Variants in LRRC37A2 observed in about 807,000 individuals in gnomAD.
LRRC37A2 encodes the protein leucine-rich repeat-containing protein 37A2.
In LRRC37A2, 9 loss-of-function variants were observed where a neutral mutation model predicts 68.8. The ratio of observed to expected loss-of-function variants is 0.13; its 90% CI spans 0.08 to 0.23. The LOEUF is 0.23. LRRC37A2 is among the 10% of genes least tolerant of loss of function. LRRC37A2 has a pLI of 1.00. For synonymous variants in LRRC37A2, 63 were observed against 367.6 expected, an observed-to-expected ratio of 0.17 and a Z score of 9.48; for missense variants, 168 against 950.4, an observed-to-expected ratio of 0.18 and a Z score of 10.82.
chr17:46,409,333 G>A, the LRRC37A2 span, among the ~76,000 whole-genome samples: 19 of 129,868 alleles, frequency 1.5e-4, no homozygotes, highest in Admixed American at 1.3e-3. Context: ...GTCTCGTTCT[G>A]AGACCCAGGC....
At chr17:46,938,708 G>T in the LRRC37A2 span, 1 of 1,613,988 alleles carries the variant, frequency 6.2e-7, no homozygotes, top group Non-Finnish European at 8.5e-7. Context: ...ATGATAGGTG[G>T]GATGCTGCTG....
the LRRC37A2 span, among the ~76,000 whole-genome samples, chr17:47,027,087 T>C: frequency 6.6e-6 from 1 of 152,128 alleles, no homozygotes; most frequent in East Asian, 1.9e-4. Context: ...ATTTTTTCTA[T>C]TTTTTTGTAG....
chr17:46,909,977 A>C, the LRRC37A2 span: 1 of 152,262 alleles, frequency 6.6e-6, no homozygotes, highest in African/African-American at 2.4e-5. Flanking sequence ...GCTCCTGAGC[A>C]CTGGTCCCAG....
chr17:46,826,781 CTTTTTTTTTTT>C, the LRRC37A2 span, among the ~76,000 whole-genome samples: 1 of 117,682 alleles, frequency 8.5e-6, no homozygotes, highest in African/African-American at 3.2e-5. Flanking sequence ...ATCAGCTGCT[CTTTTTTTTTTT>C]TTTTTTTTGA....
At chr17:46,923,190 G>T in the LRRC37A2 span, 1 of 1,544,614 alleles carries the variant, frequency 6.5e-7, no homozygotes, top group Non-Finnish European at 8.8e-7. Flanking sequence ...CGGGGCCGGC[G>T]ACATGGATCC....
the LRRC37A2 span, among the ~76,000 whole-genome samples, chr17:46,610,037 C>CTT: frequency 1.9e-4 from 18 of 92,872 alleles, no homozygotes; most frequent in African/African-American, 6.5e-4. Context: ...TTCTCTCTCT[C>CTT]TCTCTCTTTC....
At chr17:46,924,169 C>T in the LRRC37A2 span, 1 of 292,514 alleles carries the variant, frequency 3.4e-6, no homozygotes, top group Non-Finnish European at 6.2e-6. Flanking sequence ...TTACTTCTCT[C>T]TATGAGTTTA....
chr17:46,489,389 C>T, the LRRC37A2 span, among the ~76,000 whole-genome samples: 2 of 104,778 alleles, frequency 1.9e-5, 1 homozygote, highest in Non-Finnish European at 4.3e-5. Context: ...CTGCCTGCCT[C>T]GGCTTTCCAA....
the LRRC37A2 span, among the ~76,000 whole-genome samples, chr17:46,845,224 C>CGTA: frequency 4.6e-5 from 7 of 152,248 alleles, no homozygotes; most frequent in African/African-American, 1.7e-4. Context: ...AACACCCCAA[C>CGTA]GTAGAGTCTT....
At chr17:46,941,066 T>C in the LRRC37A2 span, 4 of 1,082,300 alleles carry the variant, frequency 3.7e-6, no homozygotes, top group African/African-American at 1.6e-5. Context: ...AGCCAGCCTC[T>C]GTGACCTTGT....
At chr17:46,784,266 C>A in the LRRC37A2 span, among the ~76,000 whole-genome samples, 1 of 152,086 alleles carries the variant, frequency 6.6e-6, no homozygotes, top group Non-Finnish European at 1.5e-5. Context: ...ATGGTGTCCA[C>A]CAAGATGGGA....
chr17:46,875,484 T>A, the LRRC37A2 span: 3 of 1,354,436 alleles, frequency 2.2e-6, no homozygotes, highest in Non-Finnish European at 2.9e-6. Context: ...GTGAACTTCA[T>A]AAAGGCAGGA....
chr17:46,851,615 A>G, the LRRC37A2 span: 6 of 1,237,298 alleles, frequency 4.8e-6, no homozygotes, highest in Middle Eastern at 3.2e-4. The surrounding 1 kb of genome is among the most constrained non-coding windows in gnomAD (Gnocchi z 4.3). Flanking sequence ...AGGAGATGCT[A>G]GAGGGCGCAG....
chr17:46,928,311 C>G, the LRRC37A2 span, among the ~76,000 whole-genome samples: 2 of 152,166 alleles, frequency 1.3e-5, no homozygotes, highest in African/African-American at 4.8e-5. Context: ...AGTTGGGTGC[C>G]TGGCTGGCAT....
At chr17:46,930,638 C>G in the LRRC37A2 span, 1 of 152,388 alleles carries the variant, frequency 6.6e-6, no homozygotes, top group Non-Finnish European at 1.4e-5. Flanking sequence ...ACTAATCTTC[C>G]CCTTCCTTTA....
At chr17:46,982,685 C>G in the LRRC37A2 span, among the ~76,000 whole-genome samples, 11 of 152,184 alleles carry the variant, frequency 7.2e-5, no homozygotes, top group Non-Finnish European at 1.5e-5. Context: ...TCCCATCATC[C>G]CTGGGGGAGG....
the LRRC37A2 span, among the ~76,000 whole-genome samples, chr17:46,826,503 T>G: frequency 6.6e-6 from 1 of 152,258 alleles, no homozygotes; most frequent in African/African-American, 2.4e-5. Flanking sequence ...GGGATTCACA[T>G]GTCTGACTGG....
chr17:46,781,677 A>G, the LRRC37A2 span, among the ~76,000 whole-genome samples: 1 of 152,178 alleles, frequency 6.6e-6, no homozygotes, highest in Non-Finnish European at 1.5e-5. Context: ...ACAGCATTGG[A>G]ATGTACTTAA....
At chr17:46,724,013 C>G in the LRRC37A2 span, among the ~76,000 whole-genome samples, 1 of 152,172 alleles carries the variant, frequency 6.6e-6, no homozygotes, top group Non-Finnish European at 1.5e-5. Context: ...TTCATCTCAC[C>G]TACCACTCCA....
Sources: allele counts gnomAD v4.1 joint callset (sites outside exome capture counted in the v4.1 genomes callset), GRCh38; gene constraint gnomAD v4.1.1; non-coding constraint Gnocchi (gnomAD v3.1); transcripts MANE v1.5; gene names NCBI Gene and HGNC (gene_info 2026-07-23, HGNC 2026-07-21).